ARHGAP24: variants seen among roughly 807,000 people sequenced by gnomAD.
ARHGAP24 encodes the protein Rho GTPase activating protein 24, also known as rho GTPase-activating protein 24.
In ARHGAP24, 50 loss-of-function variants were observed where a neutral mutation model predicts 76.4. The ratio of observed to expected loss-of-function variants is 0.65; its 90% CI spans 0.52 to 0.83. ARHGAP24 has a LOEUF of 0.83. Among genes scored for constraint, ARHGAP24 ranks in the 40% least tolerant of loss-of-function variants. ARHGAP24 has a pLI of 0.00. For missense variants in ARHGAP24, 930 were observed against 914.2 expected (o/e 1.02, Z -0.22); for synonymous variants, 345 against 323.3 (o/e 1.07, Z -0.72).
intron 3 of ARHGAP24, among the ~76,000 whole-genome samples, chr4:85,838,781 TC>T (rs1031281582): frequency 6.6e-6 from 1 of 151,686 alleles, no homozygotes; most frequent in Non-Finnish European, 1.5e-5. Context: ...ACACCTTCCC[TC>T]CCCCACTAAG....
At chr4:85,752,697 C>T (rs1473771811) in intron 3 of ARHGAP24, among the ~76,000 whole-genome samples, 3 of 152,180 alleles carry the variant, frequency 2.0e-5, no homozygotes, top group African/African-American at 7.2e-5. Context: ...CAGCAAATTG[C>T]TTCACTTCAC....
At chr4:85,902,751 C>T (rs1019446038) in intron 3 of ARHGAP24, among the ~76,000 whole-genome samples, 2 of 152,102 alleles carry the variant, frequency 1.3e-5, no homozygotes, top group African/African-American at 4.8e-5. Flanking sequence ...TTACAGGTGC[C>T]CGCCACTGCG....
At chr4:85,874,296 T>A (rs752181557) in intron 3 of ARHGAP24, among the ~76,000 whole-genome samples, 35 of 152,166 alleles carry the variant, frequency 2.3e-4, no homozygotes, top group Non-Finnish European at 3.8e-4. Flanking sequence ...TTCTAATCGA[T>A]ACCATTTTCA....
chr4:85,768,512 G>T (rs1187046598), intron 3 of ARHGAP24, among the ~76,000 whole-genome samples: 1 of 152,160 alleles, frequency 6.6e-6, no homozygotes, highest in Non-Finnish European at 1.5e-5. Context: ...GCTGAGGCAG[G>T]TGGATCATGA....
intron 2 of ARHGAP24, among the ~76,000 whole-genome samples, chr4:85,693,850 A>G (rs1034085158): frequency 3.3e-5 from 5 of 152,202 alleles, no homozygotes; most frequent in African/African-American, 1.2e-4. Flanking sequence ...AGGTGCATCA[A>G]GGCCCGTGGC....
chr4:85,654,806 A>C (rs1229605590), intron 2 of ARHGAP24, among the ~76,000 whole-genome samples: 2 of 152,186 alleles, frequency 1.3e-5, no homozygotes, highest in African/African-American at 4.8e-5. Context: ...GATTTATAAC[A>C]TTCATATTAT....
At chr4:85,769,523 T>A (rs879526109) in intron 3 of ARHGAP24, among the ~76,000 whole-genome samples, 10 of 152,202 alleles carry the variant, frequency 6.6e-5, no homozygotes, top group Non-Finnish European at 1.5e-4. Context: ...TTTGTGTATA[T>A]ACATATGTGT....
chr4:85,976,006 C>T (rs1739299097), intron 7 of ARHGAP24, among the ~76,000 whole-genome samples: 1 of 152,114 alleles, frequency 6.6e-6, no homozygotes, highest in Non-Finnish European at 1.5e-5. Flanking sequence ...ACACCTTAGA[C>T]TTATTAATAT....
chr4:85,905,541 T>C (rs1340935756), intron 3 of ARHGAP24, among the ~76,000 whole-genome samples: 1 of 152,214 alleles, frequency 6.6e-6, no homozygotes, highest in African/African-American at 2.4e-5. Context: ...CCTGTGCAAT[T>C]CACTCAGTAA....
chr4:85,751,656 A>T (rs1367450093), intron 3 of ARHGAP24, among the ~76,000 whole-genome samples: 1 of 152,214 alleles, frequency 6.6e-6, no homozygotes, highest in African/African-American at 2.4e-5. Flanking sequence ...AACAGTGTGG[A>T]TTGTAAACAC....
intron 4 of ARHGAP24, among the ~76,000 whole-genome samples, chr4:85,932,816 C>G (rs1462396684): frequency 6.6e-6 from 1 of 152,168 alleles, no homozygotes; most frequent in African/African-American, 2.4e-5. Context: ...TTCTCTGGAG[C>G]CCGCTGCATC....
At chr4:85,729,922 T>G (rs1317419642) in intron 3 of ARHGAP24, among the ~76,000 whole-genome samples, 1 of 152,108 alleles carries the variant, frequency 6.6e-6, no homozygotes, top group African/African-American at 2.4e-5. Flanking sequence ...AGCAAACCTA[T>G]GAAAAGGAAG....
At chr4:85,943,956 A>G (rs1291640239) in intron 5 of ARHGAP24, among the ~76,000 whole-genome samples, 2 of 151,956 alleles carry the variant, frequency 1.3e-5, no homozygotes, top group Non-Finnish European at 2.9e-5. Context: ...CTGATTTATA[A>G]TCCTTTGGGT....
chr4:85,612,734 A>G (rs1018853940), intron 2 of ARHGAP24, among the ~76,000 whole-genome samples: 3 of 151,600 alleles, frequency 2.0e-5, no homozygotes, highest in Non-Finnish European at 4.4e-5. Context: ...GTATTTTTGT[A>G]AAGAAAGAAA....
intron 2 of ARHGAP24, among the ~76,000 whole-genome samples, chr4:85,662,552 T>C (rs1005960083): frequency 1.3e-5 from 2 of 151,816 alleles, no homozygotes; most frequent in African/African-American, 4.9e-5. Flanking sequence ...TTGTCTTTTT[T>C]TGCCATTGCT....
chr4:85,650,884 A>G (rs1721914661), intron 2 of ARHGAP24, among the ~76,000 whole-genome samples: 1 of 149,716 alleles, frequency 6.7e-6, no homozygotes, highest in African/African-American at 2.6e-5. Context: ...TCTTTATTCA[A>G]GTGCAAATTG....
intron 2 of ARHGAP24, among the ~76,000 whole-genome samples, chr4:85,666,731 C>T (rs1722634810): frequency 6.6e-6 from 1 of 152,190 alleles, no homozygotes; most frequent in South Asian, 2.1e-4. Flanking sequence ...CCCTCAGCTG[C>T]AGGTCTGTTG....
rs561191074 is a variant in ARHGAP24, at chr4:85,535,915, T to A, written c.-20-34607T>A. ...CAATTCTCTGAAGCTCTTCTGAATG[T>A]CAAAAACATGAGGGCTCCATTTTAG... On this transcript the variant is annotated intron_variant, in intron 1 of 9. Transcript: ENST00000395184. Among the ~76,000 whole-genome samples, 12 of 152,280 alleles carry A rather than the reference T, an allele frequency of 7.9e-5. No homozygotes were observed. In the East Asian group the frequency reaches 1.7e-3, roughly 22 times the overall value.
intron 3 of ARHGAP24, among the ~76,000 whole-genome samples, chr4:85,819,266 A>G (rs1367333175): frequency 6.6e-6 from 1 of 152,236 alleles, no homozygotes; most frequent in Admixed American, 6.5e-5. Context: ...TATAAAATTT[A>G]GTGCAGACTG....
Sources: allele counts gnomAD v4.1 joint callset (sites outside exome capture counted in the v4.1 genomes callset), GRCh38; gene constraint gnomAD v4.1.1; transcripts MANE v1.5; gene names NCBI Gene and HGNC (gene_info 2026-07-23, HGNC 2026-07-21).